Variants in CDKAL1 observed in about 807,000 individuals in gnomAD.
The protein encoded by CDKAL1 is CDKAL1 threonylcarbamoyladenosine tRNA methylthiotransferase.
A neutral mutation model predicts 68.2 loss-of-function variants in CDKAL1; 32 were observed. That is an observed-to-expected ratio of 0.47 (90% CI 0.35 to 0.63). CDKAL1 has a LOEUF of 0.63. CDKAL1 is among the 30% of genes least tolerant of loss of function. The pLI, the probability that CDKAL1 is intolerant of heterozygous loss-of-function variation, is 0.00. For synonymous variants in CDKAL1, 234 were observed against 244.3 expected (o/e 0.96, Z 0.39); for missense variants, 606 against 696.7 (o/e 0.87, Z 1.47).
intron 13 of CDKAL1, among the ~76,000 whole-genome samples, chr6:21,115,311 T>C (rs1478408610): frequency 6.6e-6 from 1 of 152,236 alleles, no homozygotes; most frequent in East Asian, 1.9e-4. Context: ...AATAACATAA[T>C]GTAGCAACAG....
chr6:20,828,604 G>A (rs1306576316), intron 8 of CDKAL1, among the ~76,000 whole-genome samples: 2 of 152,104 alleles, frequency 1.3e-5, no homozygotes. Flanking sequence ...TAGGTAATTG[G>A]TGAACTGTTG....
At position 20,812,216 on chromosome 6, in the gene CDKAL1, T is replaced by A. The variant is rs571464258; in HGVS notation, c.638+30951T>A. ...TTTAAGATATTAAAAAATGAATTGG[T>A]TCTCCAACATTCTGCAAAGGTAATT... On this transcript the variant is annotated intron_variant, in intron 8 of 15. Transcript: ENST00000274695. Among the ~76,000 whole-genome samples the A allele has an allele frequency of 7.6e-4, 116 of 152,348 alleles. 1 individual carries two copies. The highest frequency in any genetic ancestry group is 3.4e-3 in the Middle Eastern group (1 of 294).
At chr6:20,860,968 C>T (rs367904686) in intron 9 of CDKAL1, among the ~76,000 whole-genome samples, 3 of 133,592 alleles carry the variant, frequency 2.2e-5, no homozygotes, top group African/African-American at 5.7e-5. Context: ...AAAGCGTAAG[C>T]GTAAATTATG....
intron 14 of CDKAL1, among the ~76,000 whole-genome samples, chr6:21,200,624 C>A (rs1778649618): frequency 6.6e-6 from 1 of 152,160 alleles, no homozygotes; most frequent in African/African-American, 2.4e-5. Context: ...CATGGAATAG[C>A]CAAAAGCAAG....
At chr6:20,723,885 C>A (rs1047927060) in intron 5 of CDKAL1, among the ~76,000 whole-genome samples, 15 of 152,258 alleles carry the variant, frequency 9.9e-5, no homozygotes, top group Admixed American at 5.9e-4. Flanking sequence ...AGACACCATT[C>A]CAGATTCTTA....
intron 14 of CDKAL1, among the ~76,000 whole-genome samples, chr6:21,198,753 C>A (rs1778569062): frequency 6.6e-6 from 1 of 152,196 alleles, no homozygotes; most frequent in Non-Finnish European, 1.5e-5. Flanking sequence ...AATTACTAGC[C>A]CTCCTTCCCT....
At chr6:20,834,008 TAAG>T (rs1777828712) in intron 8 of CDKAL1, among the ~76,000 whole-genome samples, 1 of 152,224 alleles carries the variant, frequency 6.6e-6, no homozygotes, top group Non-Finnish European at 1.5e-5. Flanking sequence ...TGTGCTTTGA[TAAG>T]AACTCCCAGA....
At chr6:21,055,306 T>C (rs368129819) in intron 11 of CDKAL1, among the ~76,000 whole-genome samples, 3 of 152,190 alleles carry the variant, frequency 2.0e-5, no homozygotes, top group Non-Finnish European at 2.9e-5. Context: ...ATGAGAGATA[T>C]TGGTCTATAG....
rs75622217 is a variant in CDKAL1 at position 21,111,861 on chromosome 6, G to A, written c.1299+3398G>A. Among the ~76,000 whole-genome samples, 78 of 152,226 alleles carry A rather than the reference G, an allele frequency of 5.1e-4. No individual in the cohort carries two copies. In the East Asian group the frequency reaches 0.015, roughly 29 times the overall value. On this transcript the variant is annotated intron_variant, in intron 13 of 15. Transcript: ENST00000274695. The stretch of plus-strand genomic sequence containing the variant: ...GACAAAAGTTAACTCCCATTTATCT[G>A]TCCTTCTAAAAGAGAACATTAGTAA...
chr6:21,143,106 A>G (rs1448590112), intron 13 of CDKAL1, among the ~76,000 whole-genome samples: 2 of 152,228 alleles, frequency 1.3e-5, no homozygotes, highest in Non-Finnish European at 2.9e-5. Context: ...TAGGGAACGT[A>G]GTTAATTTGC....
chr6:20,675,874 A>C (rs1416803497), intron 5 of CDKAL1, among the ~76,000 whole-genome samples: 1 of 152,164 alleles, frequency 6.6e-6, no homozygotes, highest in Non-Finnish European at 1.5e-5. Context: ...TATCACAGGA[A>C]ATCACAGCTC....
At chr6:21,064,966 A>G in intron 11 of CDKAL1, 82 bp from the exon 12 acceptor site, 1 of 826,204 alleles carries the variant, frequency 1.2e-6, no homozygotes, top group Non-Finnish European at 1.8e-6. Flanking sequence ...AATTACCATA[A>G]AATTGTATTT....
intron 11 of CDKAL1, among the ~76,000 whole-genome samples, chr6:21,009,767 C>G (rs918572973): frequency 6.6e-6 from 1 of 152,122 alleles, no homozygotes; most frequent in Non-Finnish European, 1.5e-5. Context: ...ACCGCGTGTT[C>G]TCACTCATAT....
At chr6:20,584,067 A>AT (rs1441432548) in intron 4 of CDKAL1, among the ~76,000 whole-genome samples, 2 of 142,506 alleles carry the variant, frequency 1.4e-5, no homozygotes, top group African/African-American at 5.3e-5. Flanking sequence ...TTTTTTTAAC[A>AT]TTACTACTCA....
chr6:20,722,563 A>G (rs950114897), intron 5 of CDKAL1: 7 of 302,636 alleles, frequency 2.3e-5, no homozygotes, highest in African/African-American at 1.6e-4. Flanking sequence ...GCACACATAG[A>G]ATCCTTGTAG....
chr6:20,653,951 T>G (rs1768899846), intron 5 of CDKAL1, among the ~76,000 whole-genome samples: 1 of 152,124 alleles, frequency 6.6e-6, no homozygotes, highest in Admixed American at 6.5e-5. Context: ...TTCACCGTGT[T>G]GGCCAGGCTG....
intron 11 of CDKAL1, among the ~76,000 whole-genome samples, chr6:21,017,220 T>C (rs959074751): frequency 1.3e-5 from 2 of 152,224 alleles, no homozygotes; most frequent in Non-Finnish European, 2.9e-5. Flanking sequence ...TATTTTTGTG[T>C]GTATGTTTTC....
intron 10 of CDKAL1, among the ~76,000 whole-genome samples, chr6:20,960,408 A>G (rs1274240356): frequency 1.3e-5 from 2 of 152,200 alleles, no homozygotes; most frequent in African/African-American, 4.8e-5. Context: ...TTTCTACTCT[A>G]CTGCATCTTC....
chr6:21,116,090 T>G (rs1464442008), intron 13 of CDKAL1, among the ~76,000 whole-genome samples: 2 of 152,222 alleles, frequency 1.3e-5, no homozygotes, highest in African/African-American at 4.8e-5. Context: ...CATTTTGGCC[T>G]AATTTTGATA....
Sources: allele counts gnomAD v4.1 joint callset (sites outside exome capture counted in the v4.1 genomes callset), GRCh38; gene constraint gnomAD v4.1.1; transcripts MANE v1.5; gene names NCBI Gene and HGNC (gene_info 2026-07-23, HGNC 2026-07-21).